The following IL11 variants were observed in gnomAD, a reference collection of about 807,000 sequenced individuals.
IL11 encodes the protein interleukin 11.
A neutral mutation model predicts 18.1 loss-of-function variants in IL11; 17 were observed. That is an observed-to-expected ratio of 0.94 (90% CI 0.64 to 1.41). The LOEUF (loss-of-function observed/expected upper bound fraction) is 1.41, where lower values mean the gene tolerates loss of function less well. IL11 is among the 40% of genes most tolerant of loss of function. The probability of loss-of-function intolerance (pLI) is 0.00; values close to 1 mark genes in which losing one functional copy is unlikely to be tolerated. For synonymous variants in IL11, 144 were observed against 134.1 expected, an observed-to-expected ratio of 1.07 and a Z score of -0.51; for missense variants, 309 against 262.8, an observed-to-expected ratio of 1.18 and a Z score of -1.22.
At position 55,366,115 on chromosome 19, in the gene IL11, GGGGGGCGCCAGC is replaced by G. The variant is rs1260524108; in HGVS notation, c.480_491del (p.Leu161_Pro164del). 6.4e-6 allele frequency: 10 copies of G among 1,550,410 alleles called. No individual in the cohort carries two copies. Among genetic ancestry groups the G allele is most frequent in the Admixed American group, 2.0e-5 (1 of 48,812 alleles). Reference sequence around the variant, plus strand: ...CCCTGATGCCCCCCCAGGCTGAGGAGGGGGGCGCCAGCGGGGGCGCCGGCGGGTCCGGGGGTG... The same window carrying G: ...CCCTGATGCCCCCCCAGGCTGAGGAGGGGGGCGCCGGCGGGTCCGGGGGTG... On this transcript the variant is annotated inframe_deletion, in exon 5 of 5. Transcript: ENST00000264563. This position sits in a 1 kb window ranked among gnomAD's most constrained non-coding sequence, Gnocchi z 4.6.
chr19:55,368,999 C>T (rs1391840783), intron 1 of IL11, 58 bp from the exon 2 acceptor site: 4 of 1,421,362 alleles, frequency 2.8e-6, no homozygotes, highest in East Asian at 5.1e-5. Context: ...GAGAGGAGGG[C>T]CTGGGCCTGG....
chr19:55,368,501 C>A lies in IL11; in HGVS notation c.249G>T (p.Gly83=), dbSNP rs1394193396. ...CCCTTACCTGTAGAGCTCCCAGTGC[C>A]CCCGCACTCATGGCCAGGGTGGGCA... is the stretch of plus-strand genomic sequence containing the variant. ...DSLPTLAMSA[G]ALGALQLPGV... is the part of the protein sequence containing the mutation. Residue 83 remains glycine (G), a synonymous_variant, in exon 3 of 5, where the codon GGG becomes GGT. Transcript: ENST00000264563. The A allele has an allele frequency of 6.2e-7, 1 of 1,612,298 alleles. No homozygotes were observed. Among genetic ancestry groups the A allele is most frequent in the South Asian group, 1.1e-5 (1 of 90,586 alleles).
Position 55,368,365 on chromosome 19 carries a change from C to A in IL11, c.274G>T (p.Gly92Cys). Residue 92 changes from glycine (G) to cysteine (C), a missense_variant, in exon 4 of 5, where the codon GGT becomes TGT. Coordinates refer to ENST00000264563, the MANE Select transcript of IL11 (RefSeq NM_000641.4). The part of the protein sequence containing the change: ...AGALGALQLP[G>C]VLTRLRADLL... ...TCCGCTCGCAGCCTTGTCAGCACAC[C>A]TGGGAGCTGGGGATAGAGCCGGGAC... is the stretch of plus-strand genomic sequence containing the variant. 6.3e-7 allele frequency: 1 copy of A among 1,596,512 alleles called. No homozygotes were observed. The highest frequency in any genetic ancestry group is 1.1e-5 in the South Asian group (1 of 89,824).
rs1215121802 is a variant in IL11 at position 55,365,924 on chromosome 19, C to T, written c.*83G>A. 7.8e-6 allele frequency: 12 copies of T among 1,540,832 alleles called. No homozygotes were observed. The highest frequency in any genetic ancestry group is 1.4e-5 in the African/African-American group (1 of 72,566). ...GGGGAGATAATGGCGGGGGGATCAC[C>T]TGGCTGTTTCGCCCCCAGTACTGAA... On this transcript the variant is annotated 3_prime_UTR_variant, in exon 5 of 5. Transcript: ENST00000264563.
At chr19:55,368,000 C>A (rs1298405520) in intron 4 of IL11, among the ~76,000 whole-genome samples, 2 of 151,722 alleles carry the variant, frequency 1.3e-5, no homozygotes, top group Non-Finnish European at 1.5e-5. Flanking sequence ...ACTGCAGGGT[C>A]AGGGTCTCAG....
In IL11 at chr19:55,368,327, G is replaced by A; in HGVS notation, c.312C>T (p.Tyr104=). 6.3e-7 allele frequency: 1 copy of A among 1,599,136 alleles called. No individual in the cohort carries two copies. Among genetic ancestry groups the A allele is most frequent in the Non-Finnish European group, 8.5e-7 (1 of 1,171,982 alleles). ...GGCGCAGCCACTGCACGTGCCGCAG[G>A]TAGGACAGTAGGTCCGCTCGCAGCC... ...LTRLRADLLS[Y]LRHVQWLRRA... The change falls in exon 4 of 5, where the codon TAC becomes TAT. Residue 104 remains tyrosine (Y), a synonymous_variant. Coordinates refer to ENST00000264563, the MANE Select transcript of IL11 (RefSeq NM_000641.4).
chr19:55,368,669 A>G (rs527461248), intron 2 of IL11, 100 bp from the exon 3 acceptor site: 2 of 1,483,822 alleles, frequency 1.3e-6, no homozygotes, highest in Non-Finnish European at 1.8e-6. Flanking sequence ...TCACTCTGCC[A>G]CCTGAGAGCC....
chr19:55,368,100 C>T (rs547974925), intron 4 of IL11, 110 bp downstream of exon 4: 28 of 924,998 alleles, frequency 3.0e-5, no homozygotes, highest in South Asian at 2.3e-4. Context: ...GGTCTCAGAG[C>T]GGGGCTGTTG....
At position 55,365,863 on chromosome 19, in the gene IL11, C is replaced by T. The variant is rs1042505; in HGVS notation, c.*144G>A. The stretch of plus-strand genomic sequence containing the variant: ...AATAAGTATAAATAAGGCACAGATG[C>T]CCCCCAGGCCTCACGGAAGGACTGT... On this transcript the variant is annotated 3_prime_UTR_variant, in exon 5 of 5. Transcript: ENST00000264563. 382,573 of 1,272,050 alleles carry T rather than the reference C, an allele frequency of 0.3. 59,836 individuals are homozygous for T. The highest frequency in any genetic ancestry group is 0.39 in the South Asian group (28,228 of 71,866). The allele number at this position is 1,272,050 out of a possible 1,614,324, so 78.8% of individuals were successfully genotyped here.
In IL11 at chr19:55,366,983, T is replaced by TC. The variant is rs1199372529; in HGVS notation, c.430-807_430-806insG. On this transcript the variant is annotated intron_variant, in intron 4 of 4. Coordinates refer to ENST00000264563, the MANE Select transcript of IL11 (RefSeq NM_000641.4). This position sits in a 1 kb window ranked among gnomAD's most constrained non-coding sequence, Gnocchi z 4.6. ...GAGCTGGGGTTTTACAGACAGTATC[T>TC]GAGGTCTGTGGGCTCGAGTCTAGGG... 2.0e-5 allele frequency among the ~76,000 whole-genome samples: 3 copies of TC among 152,238 alleles called. No individual in the cohort carries two copies. Among genetic ancestry groups the TC allele is most frequent in the African/African-American group, 4.8e-5 (2 of 41,550 alleles).
chr19:55,368,846 G>T lies in IL11; in HGVS notation c.103C>A (p.Pro35Thr). The T allele has an allele frequency of 6.3e-7, 1 of 1,588,038 alleles. No individual in the cohort carries two copies. The highest frequency in any genetic ancestry group is 2.3e-5 in the East Asian group (1 of 44,004). The change falls in exon 2 of 5, where the codon CCT becomes ACT. Residue 35 changes from proline (P) to threonine (T), a missense_variant. Physicochemically the swap from Pro to Thr is conservative, Grantham distance 38. Coordinates refer to ENST00000264563, the MANE Select transcript of IL11 (RefSeq NM_000641.4). ...ACGGTGCTGTCCAGCTCGGCCCGAG[G>T]GTCTGGGGAAACTCGAGGGGGGCCA... ...PPGPPRVSPD[P>T]RAELDSTVLL...
chr19:55,369,659 C>T lies in IL11; in HGVS notation c.7+645G>A, dbSNP rs1490990720. The stretch of plus-strand genomic sequence containing the variant: ...GCGCGGGGGGCGCGGGGGTCCGGAG[C>T]TCGCTCCCCGCAGCCCACCCCGGCC... On this transcript the variant is annotated intron_variant, in intron 1 of 4. Coordinates refer to ENST00000264563, the MANE Select transcript of IL11 (RefSeq NM_000641.4). The surrounding 1 kb of genome is among the most constrained non-coding windows in gnomAD (Gnocchi z 6.1). 6.8e-6 allele frequency among the ~76,000 whole-genome samples: 1 copy of T among 146,348 alleles called. No homozygotes were observed.
At chr19:55,370,256 T>TCCTCCCTG (rs2089814246) in intron 1 of IL11, 48 bp downstream of exon 1, 2 of 1,421,386 alleles carry the variant, frequency 1.4e-6, no homozygotes, top group South Asian at 2.5e-5. Flanking sequence ...TGGGTCCCTC[T>TCCTCCCTG]CCTCCCTGCC....
At chr19:55,370,243 C>T in intron 1 of IL11, 61 bp downstream of exon 1, 1 of 1,306,178 alleles carries the variant, frequency 7.7e-7, no homozygotes, top group Non-Finnish European at 1.1e-6. Flanking sequence ...CCCACCCCCG[C>T]CGTGGGTCCC....
rs1176311486 is a variant in IL11, at chr19:55,369,629, G to A, written c.7+675C>T. On this transcript the variant is annotated intron_variant, in intron 1 of 4. Transcript: ENST00000264563. This position sits in a 1 kb window ranked among gnomAD's most constrained non-coding sequence, Gnocchi z 6.1. ...CGGGAGAGCTGGCGGCGGGGGGCGC[G>A]GGGGGCGCGGGGGGCGCGGGGGTCC... Among the ~76,000 whole-genome samples the A allele has an allele frequency of 2.2e-5, 2 of 90,740 alleles. No individual in the cohort carries two copies. The highest frequency in any genetic ancestry group is 1.0e-4 in the Admixed American group (1 of 10,018). 59.5% of individuals were successfully genotyped at this position (90,740 alleles called of 152,430 possible). A position where few individuals can be genotyped will look rare whatever the true frequency, so the allele number is the denominator to read the frequency against.
Position 55,365,363 on chromosome 19 carries a change from A to C in IL11, c.*644T>G. On this transcript the variant is annotated 3_prime_UTR_variant, in exon 5 of 5. Transcript: ENST00000264563. Reference sequence around the variant, plus strand: ...AGACTCCATCTCAAAAAACAAACAAAAGGCCCTATGCAGTGCGGGGCCCCA... The same window carrying C: ...AGACTCCATCTCAAAAAACAAACAACAGGCCCTATGCAGTGCGGGGCCCCA... 6.6e-6 allele frequency: 1 copy of C among 152,318 alleles called. No homozygotes were observed. Among genetic ancestry groups the C allele is most frequent in the Non-Finnish European group, 1.5e-5 (1 of 68,276 alleles). The allele number at this position is 152,318 out of a possible 1,614,324, so 9.4% of individuals were successfully genotyped here. A position where few individuals can be genotyped will look rare whatever the true frequency, so the allele number is the denominator to read the frequency against.
In IL11 at chr19:55,369,577, G is replaced by A. The variant is rs1385510658; in HGVS notation, c.8-636C>T. 6.7e-6 allele frequency among the ~76,000 whole-genome samples: 1 copy of A among 149,698 alleles called. No homozygotes were observed. The highest frequency in any genetic ancestry group is 1.5e-5 in the Non-Finnish European group (1 of 67,180). On this transcript the variant is annotated intron_variant, in intron 1 of 4. Transcript: ENST00000264563. This position sits in a 1 kb window ranked among gnomAD's most constrained non-coding sequence, Gnocchi z 6.1. ...GCGCACCTGGGCGGAGAGGGGCAGA[G>A]CCATGGGCCCGGCCGGGCCGCGGGA...
chr19:55,368,195 GGGGCCAGGACATACCAGGAGCTGCAGCC>G lies in IL11; in HGVS notation c.416_429+14del. ...GTGGGGGTCTGGGGTGTCAGGTCTT[GGGGCCAGGACATACCAGGAGCTGCAGCC>G]GGCGCAGCAGCCGGTCCAGTCGGGC... is the stretch of plus-strand genomic sequence containing the variant. On this transcript the variant is annotated splice_donor_variant and splice_donor_5th_base_variant and coding_sequence_variant and intron_variant, in exon 4 of 5. Coordinates refer to ENST00000264563, the MANE Select transcript of IL11 (RefSeq NM_000641.4). LOFTEE classifies it high-confidence loss of function. 1 of 1,516,276 alleles carries G rather than the reference GGGGCCAGGACATACCAGGAGCTGCAGCC, an allele frequency of 6.6e-7. No individual in the cohort carries two copies. The highest frequency in any genetic ancestry group is 8.9e-7 in the Non-Finnish European group (1 of 1,126,166). 93.9% of individuals were successfully genotyped at this position (1,516,276 alleles called of 1,614,324 possible).
In IL11 at chr19:55,366,305, G is replaced by A; in HGVS notation, c.430-128C>T. ...GGGGGACTGTGGCGCGTGGGGTGAAGTGTTTAGGCCGGGAGCTCTTCAGGC... is the reference window on the plus strand; with the variant it reads ...GGGGGACTGTGGCGCGTGGGGTGAAATGTTTAGGCCGGGAGCTCTTCAGGC... On this transcript the variant is annotated intron_variant, in intron 4 of 4. Transcript: ENST00000264563. The surrounding 1 kb of genome is among the most constrained non-coding windows in gnomAD (Gnocchi z 4.6). The A allele has an allele frequency of 2.1e-6, 2 of 973,794 alleles. No homozygotes were observed. The highest frequency in any genetic ancestry group is 2.9e-6 in the Non-Finnish European group (2 of 692,980). 60.3% of individuals were successfully genotyped at this position (973,794 alleles called of 1,614,324 possible). A position where few individuals can be genotyped will look rare whatever the true frequency, so the allele number is the denominator to read the frequency against.
Sources: gnomAD v4.1 joint callset for allele counts (sites outside exome capture counted in the v4.1 genomes callset) on GRCh38, gnomAD v4.1.1 for gene constraint, Gnocchi (gnomAD v3.1) non-coding constraint, MANE v1.5 for transcripts, NCBI Gene and HGNC (gene_info 2026-07-23, HGNC 2026-07-21) for gene names.